Variants in SYNPO2 observed in about 807,000 individuals in gnomAD.
SYNPO2 encodes the protein synaptopodin 2, also known as synaptopodin-2.
In SYNPO2, 56 loss-of-function variants were observed where a neutral mutation model predicts 85.0. The ratio of observed to expected loss-of-function variants is 0.66; its 90% CI spans 0.53 to 0.82. SYNPO2 has a LOEUF of 0.82. SYNPO2 is among the 40% of genes least tolerant of loss of function. SYNPO2 has a pLI of 0.00. For missense variants in SYNPO2, 1,575 were observed against 1,534.2 expected, an observed-to-expected ratio of 1.03 and a Z score of -0.44; for synonymous variants, 602 against 591.1, an observed-to-expected ratio of 1.02 and a Z score of -0.27.
chr4:119,048,758 T>C (rs1223010315), intron 4 of SYNPO2, among the ~76,000 whole-genome samples: 1 of 152,068 alleles, frequency 6.6e-6, no homozygotes, highest in East Asian at 1.9e-4. Context: ...CCAGTGTGGC[T>C]GGAGGAAAGG....
intron 1 of SYNPO2, among the ~76,000 whole-genome samples, chr4:118,879,136 A>C (rs1241116478): frequency 1.3e-5 from 2 of 152,160 alleles, no homozygotes; most frequent in African/African-American, 4.8e-5. Context: ...AGAAGGAAGA[A>C]ACTCCCGACA....
intron 3 of SYNPO2, among the ~76,000 whole-genome samples, chr4:119,029,191 T>G (rs1738105701): frequency 6.6e-6 from 1 of 152,118 alleles, no homozygotes. Flanking sequence ...TGTCATATTT[T>G]GAATTTTAAT....
At chr4:119,015,812 A>C (rs1315662210) in intron 1 of SYNPO2, among the ~76,000 whole-genome samples, 3 of 152,174 alleles carry the variant, frequency 2.0e-5, no homozygotes, top group African/African-American at 7.2e-5. Flanking sequence ...TGAGCATATG[A>C]GAGTTTTTTA....
intron 1 of SYNPO2, among the ~76,000 whole-genome samples, chr4:118,977,346 C>CGG (rs1041819593): frequency 2.0e-5 from 3 of 152,236 alleles, no homozygotes; most frequent in African/African-American, 7.2e-5. Flanking sequence ...GCTCCGAGTG[C>CGG]GGGGCCTGCC....
intron 4 of SYNPO2, among the ~76,000 whole-genome samples, chr4:119,045,269 A>G (rs138852030): frequency 8.3e-4 from 127 of 152,310 alleles, no homozygotes; most frequent in African/African-American, 2.9e-3. Flanking sequence ...AGTGCTTACC[A>G]TGTGCCAGGT....
chr4:119,036,844 T>A lies in SYNPO2; in HGVS notation c.3252+4817T>A, dbSNP rs186178715. 2,425 of 1,084,170 alleles carry A rather than the reference T, an allele frequency of 2.2e-3. 6 individuals carry two copies. The highest frequency in any genetic ancestry group is 2.6e-3 in the Non-Finnish European group (2,300 of 895,780). The allele number at this position is 1,084,170 out of a possible 1,614,324, so 67.2% of individuals were successfully genotyped here. On this transcript the variant is annotated intron_variant, in intron 4 of 4. Transcript: ENST00000307142. ...CAGAGGCAATTGAATAAAGAGAAATTTAATTTTAAATATCAAGTCCTGTCA... is the reference window on the plus strand; with the variant it reads ...CAGAGGCAATTGAATAAAGAGAAATATAATTTTAAATATCAAGTCCTGTCA...
chr4:118,937,242 A>G (rs1323537122), intron 1 of SYNPO2, among the ~76,000 whole-genome samples: 6 of 152,030 alleles, frequency 3.9e-5, no homozygotes, highest in Admixed American at 3.3e-4. Context: ...CATTCTCTCT[A>G]TTGCTCAGTA....
At chr4:119,010,208 A>C (rs1213042686) in intron 1 of SYNPO2, among the ~76,000 whole-genome samples, 2 of 152,192 alleles carry the variant, frequency 1.3e-5, no homozygotes, top group African/African-American at 4.8e-5. Context: ...CATGAGGCTA[A>C]CATTAATTTG....
chr4:119,015,180 T>C (rs1431761046), intron 1 of SYNPO2, among the ~76,000 whole-genome samples: 1 of 152,186 alleles, frequency 6.6e-6, no homozygotes, highest in Non-Finnish European at 1.5e-5. Context: ...GTGTGGAAAA[T>C]GATTCCCTAA....
chr4:119,012,848 A>G (rs1255773343), intron 1 of SYNPO2, among the ~76,000 whole-genome samples: 2 of 152,120 alleles, frequency 1.3e-5, no homozygotes, highest in African/African-American at 2.4e-5. Context: ...ATGGCAGCAC[A>G]TTGTTCTTAA....
intron 1 of SYNPO2, among the ~76,000 whole-genome samples, chr4:118,973,650 G>A (rs11098466): frequency 0.99 from 150,963 of 152,290 alleles, 74,841 homozygotes; most frequent in Middle Eastern, 1. Flanking sequence ...TCGGAATACT[G>A]TTGGGCAAAT....
rs1276134539 is a variant in SYNPO2 at position 119,031,829 on chromosome 4, T to C, written c.3054T>C (p.Asn1018=). Residue 1018 remains asparagine (N), a synonymous_variant, in exon 4 of 5, where the codon AAT becomes AAC. Coordinates refer to ENST00000307142, the MANE Select transcript of SYNPO2 (RefSeq NM_133477.3). ...CAGTGAATGCTGCCTCACCTACGAATGTGCAGGCTTCGTCAGTGTACTCGG... is the reference window on the plus strand; with the variant it reads ...CAGTGAATGCTGCCTCACCTACGAACGTGCAGGCTTCGTCAGTGTACTCGG... ...PRPVNAASPT[N]VQASSVYSVP... 6.2e-7 allele frequency: 1 copy of C among 1,614,096 alleles called. No homozygotes were observed. Among genetic ancestry groups the C allele is most frequent in the African/African-American group, 1.3e-5 (1 of 74,934 alleles).
At position 118,946,461 on chromosome 4, in the gene SYNPO2, T is replaced by C. The variant is rs115471734; in HGVS notation, c.105+57320T>C. Among the ~76,000 whole-genome samples, 556 of 125,076 alleles carry C rather than the reference T, an allele frequency of 4.4e-3. 5 individuals are homozygous for C. Among genetic ancestry groups the C allele is most frequent in the African/African-American group, 0.014 (525 of 37,788 alleles). 82.1% of individuals were successfully genotyped at this position (125,076 alleles called of 152,430 possible). On this transcript the variant is annotated intron_variant, in intron 1 of 4. Coordinates refer to ENST00000307142, the MANE Select transcript of SYNPO2 (RefSeq NM_133477.3). ...GTCAGTGAGAGTCTTACTCTTTCTG[T>C]AACCCAGTTTTAGAAATCTGCCACC...
At chr4:119,035,375 G>A (rs1206519477) in intron 4 of SYNPO2, 3 of 985,318 alleles carry the variant, frequency 3.0e-6, no homozygotes, top group African/African-American at 3.5e-5. Context: ...GAACTGGTAA[G>A]ATTGGGAATC....
rs146314353 is a variant in SYNPO2, at chr4:119,034,403, T to G, written c.3252+2376T>G. 4 of 982,996 alleles carry G rather than the reference T, an allele frequency of 4.1e-6. No individual in the cohort carries two copies. In the African/African-American group the frequency reaches 7.0e-5, roughly 17 times the overall value. 60.9% of individuals were successfully genotyped at this position (982,996 alleles called of 1,614,324 possible). On this transcript the variant is annotated intron_variant, in intron 4 of 4. Transcript: ENST00000307142. ...ATGCAGGAATGAGAAGTGTTTTCTTTCCATTTCCTGTTGGACAGGTGGCAA... is the reference window on the plus strand; with the variant it reads ...ATGCAGGAATGAGAAGTGTTTTCTTGCCATTTCCTGTTGGACAGGTGGCAA...
At chr4:119,004,042 A>G (rs927976336) in intron 1 of SYNPO2, among the ~76,000 whole-genome samples, 6 of 152,126 alleles carry the variant, frequency 3.9e-5, no homozygotes, top group African/African-American at 1.2e-4. Context: ...GAGAGGGTCT[A>G]CTGTGTTTTT....
chr4:119,041,494 A>C (rs1738714446), intron 4 of SYNPO2, among the ~76,000 whole-genome samples: 1 of 151,804 alleles, frequency 6.6e-6, no homozygotes, highest in Non-Finnish European at 1.5e-5. Flanking sequence ...TTTAATTCAC[A>C]CTCAGAGTCT....
intron 1 of SYNPO2, among the ~76,000 whole-genome samples, chr4:118,964,013 T>C (rs1735205755): frequency 6.6e-6 from 1 of 152,106 alleles, no homozygotes; most frequent in South Asian, 2.1e-4. Flanking sequence ...TGCATCCTAT[T>C]AGGACGTACA....
intron 1 of SYNPO2, among the ~76,000 whole-genome samples, chr4:118,976,865 G>T (rs555261564): frequency 5.9e-5 from 9 of 152,162 alleles, no homozygotes; most frequent in African/African-American, 1.9e-4. Context: ...ACAGAGTGTC[G>T]ATTGGTGCAC....
Sources: gnomAD v4.1 joint callset for allele counts (sites outside exome capture counted in the v4.1 genomes callset) on GRCh38, gnomAD v4.1.1 for gene constraint, MANE v1.5 for transcripts, NCBI Gene and HGNC (gene_info 2026-07-23, HGNC 2026-07-21) for gene names.